WDR7: variants seen among roughly 807,000 people sequenced by gnomAD.
WDR7 encodes WD repeat domain 7.
In WDR7, 46 loss-of-function variants were observed where a neutral mutation model predicts 169.4. The ratio of observed to expected loss-of-function variants is 0.27; its 90% CI spans 0.21 to 0.35. The LOEUF is 0.35. Among genes scored for constraint, WDR7 ranks in the 10% least tolerant of loss-of-function variants. The probability of loss-of-function intolerance (pLI) is 1.00; values close to 1 mark genes in which losing one functional copy is unlikely to be tolerated. For synonymous variants in WDR7, 612 were observed against 666.8 expected (o/e 0.92, Z 1.27); for missense variants, 1,534 against 1,859.3 (o/e 0.83, Z 3.22).
intron 21 of WDR7, among the ~76,000 whole-genome samples, chr18:56,890,589 G>T (rs1485468636): frequency 6.6e-6 from 1 of 152,142 alleles, no homozygotes; most frequent in African/African-American, 2.4e-5. Context: ...AATAGCAAAA[G>T]AACAGATATT....
intron 13 of WDR7, among the ~76,000 whole-genome samples, chr18:56,730,893 C>T (rs950641242): frequency 6.6e-6 from 1 of 152,074 alleles, no homozygotes; most frequent in Non-Finnish European, 1.5e-5. Context: ...CAAGAATTTG[C>T]AGACAAAATG....
intron 21 of WDR7, among the ~76,000 whole-genome samples, chr18:56,913,712 G>T (rs866663843): frequency 1.3e-5 from 2 of 151,902 alleles, no homozygotes; most frequent in Middle Eastern, 3.2e-3. Context: ...GGAGGATCGC[G>T]TGAGCCCAGT....
At chr18:56,701,541 T>G (rs1414518868) in intron 12 of WDR7, among the ~76,000 whole-genome samples, 1 of 152,230 alleles carries the variant, frequency 6.6e-6, no homozygotes, top group African/African-American at 2.4e-5. Context: ...GCTATTCAGA[T>G]GTGACAGTTC....
intron 12 of WDR7, among the ~76,000 whole-genome samples, chr18:56,704,835 A>T (rs1286575150): frequency 6.6e-6 from 1 of 152,250 alleles, no homozygotes; most frequent in Non-Finnish European, 1.5e-5. Flanking sequence ...TTTACTTTTA[A>T]TAATGGTCAG....
In WDR7 at chr18:56,928,144, T is replaced by C. The variant is rs982268563; in HGVS notation, c.3713+4036T>C. On this transcript the variant is annotated intron_variant, in intron 22 of 27. Coordinates refer to ENST00000254442, the MANE Select transcript of WDR7 (RefSeq NM_015285.3). ...TTTATTTGTTAATTTCTTGTAGAAC[T>C]TAAACTGGGATTCTCCCATGTAAAA... Among the ~76,000 whole-genome samples, 9 of 152,202 alleles carry C rather than the reference T, an allele frequency of 5.9e-5. No homozygotes were observed. The South Asian group carries it at 1.7e-3, about 28-fold the overall frequency.
In WDR7 at chr18:57,027,163, A is replaced by G. The variant is rs761236292; in HGVS notation, c.4429A>G (p.Ile1477Val). 9 of 1,614,124 alleles carry G rather than the reference A, an allele frequency of 5.6e-6. No individual in the cohort carries two copies. Among genetic ancestry groups the G allele is most frequent in the Non-Finnish European group, 7.6e-6 (9 of 1,180,016 alleles). ...CATCTGGACTTCCAACCGCAACGTC[A>G]TCCTCATGGCCCATGACGGGAAGGA... Reference protein sequence around the residue: ...RLIWTSNRNVILMAHDGKEHR... With the variant: ...RLIWTSNRNVVLMAHDGKEHR... Residue 1477 changes from isoleucine to valine, a missense_variant, in exon 28 of 28, where the codon ATC (isoleucine) becomes GTC (valine). Ile to Val is a conservative substitution (Grantham distance 29, BLOSUM62 3). Coordinates refer to ENST00000254442, the MANE Select transcript of WDR7 (RefSeq NM_015285.3).
At chr18:56,768,263 A>G (rs890534587) in intron 16 of WDR7, among the ~76,000 whole-genome samples, 1 of 152,216 alleles carries the variant, frequency 6.6e-6, no homozygotes, top group African/African-American at 2.4e-5. Context: ...CTTTTTAAAA[A>G]AAAGCATTTA....
intron 13 of WDR7, 109 bp downstream of exon 13, chr18:56,718,268 G>C: frequency 7.8e-6 from 9 of 1,156,712 alleles, no homozygotes; most frequent in Non-Finnish European, 1.1e-5. Flanking sequence ...ATGTAAAATA[G>C]TTGCTACTTT....
downstream of WDR7, chr18:57,032,987 C>T (rs1002161859): frequency 5.3e-5 from 8 of 151,656 alleles, no homozygotes; most frequent in African/African-American, 1.9e-4. Flanking sequence ...AAAACTTGAC[C>T]CACCCAGCGG....
At chr18:56,771,263 T>A (rs998385761) in intron 16 of WDR7, among the ~76,000 whole-genome samples, 1 of 152,228 alleles carries the variant, frequency 6.6e-6, no homozygotes, top group Non-Finnish European at 1.5e-5. Context: ...ATAGTACTTA[T>A]ATGATGTTCA....
intron 26 of WDR7, among the ~76,000 whole-genome samples, chr18:56,978,768 C>T (rs577826898): frequency 2.6e-5 from 4 of 152,272 alleles, no homozygotes; most frequent in African/African-American, 9.6e-5. Flanking sequence ...CTTCCTCAGA[C>T]GTCCTGAGGT....
At chr18:56,781,459 A>G in intron 18 of WDR7, 74 bp from the exon 19 acceptor site, 1 of 1,362,750 alleles carries the variant, frequency 7.3e-7, no homozygotes, top group Non-Finnish European at 9.6e-7. Context: ...TTCATTATAA[A>G]TTTTCTAGTT....
intron 21 of WDR7, among the ~76,000 whole-genome samples, chr18:56,902,969 G>A (rs1357295420): frequency 1.3e-5 from 2 of 152,156 alleles, no homozygotes; most frequent in African/African-American, 2.4e-5. Flanking sequence ...ACTTGCTTAC[G>A]TGGTTGCCCT....
At chr18:56,889,848 A>G (rs1471009096) in intron 21 of WDR7, among the ~76,000 whole-genome samples, 1 of 152,216 alleles carries the variant, frequency 6.6e-6, no homozygotes, top group Non-Finnish European at 1.5e-5. Flanking sequence ...ATGCATAGAC[A>G]TAAAAAATTC....
At position 56,661,832 on chromosome 18, in the gene WDR7, C is replaced by G. The variant is rs139725692; in HGVS notation, c.-20+10256C>G. The stretch of plus-strand genomic sequence containing the variant: ...TAAACAGAGTCTTTATTATCTGCTT[C>G]AGGTTTGTTTTCCAAGTCTTCAATT... On this transcript the variant is annotated intron_variant, in intron 1 of 27. Transcript: ENST00000254442. Among the ~76,000 whole-genome samples the G allele has an allele frequency of 5.3e-5, 8 of 152,238 alleles. No individual in the cohort carries two copies. In the East Asian group the frequency reaches 1.4e-3, roughly 26 times the overall value.
intron 17 of WDR7, 104 bp from the exon 18 acceptor site, chr18:56,779,327 G>A: frequency 1.4e-6 from 1 of 732,238 alleles, no homozygotes; most frequent in East Asian, 2.7e-5. Flanking sequence ...ATATAACTTA[G>A]CAGATCTGCC....
At chr18:57,035,618 C>A in the WDR7 span, 1 of 152,254 alleles carries the variant, frequency 6.6e-6, no homozygotes, top group Non-Finnish European at 1.5e-5. Context: ...TAGAAGGGCA[C>A]CCACATCCCT....
At chr18:56,888,129 T>C (rs987890681) in intron 21 of WDR7, among the ~76,000 whole-genome samples, 1 of 152,218 alleles carries the variant, frequency 6.6e-6, no homozygotes. Flanking sequence ...TGAAAACCCA[T>C]AATGTAGTGA....
intron 26 of WDR7, chr18:57,010,219 T>A: frequency 1.0e-6 from 1 of 985,458 alleles, no homozygotes; most frequent in Non-Finnish European, 1.2e-6. Flanking sequence ...ACATTTAGCT[T>A]TGGGTTTGCC....
Sources: allele counts gnomAD v4.1 joint callset (sites outside exome capture counted in the v4.1 genomes callset), GRCh38; gene constraint gnomAD v4.1.1; transcripts MANE v1.5; gene names NCBI Gene and HGNC (gene_info 2026-07-23, HGNC 2026-07-21).